ATXN7L1: variants seen among roughly 807,000 people sequenced by gnomAD.
ATXN7L1 encodes the protein ataxin-7-like protein 1.
Under a neutral mutation model 70.8 loss-of-function variants are expected in ATXN7L1, and 15 were observed. The observed-to-expected ratio is 0.21, with a 90% CI of 0.14 to 0.33. The LOEUF (loss-of-function observed/expected upper bound fraction) is 0.33, where lower values mean the gene tolerates loss of function less well. Among genes scored for constraint, ATXN7L1 ranks in the 10% least tolerant of loss-of-function variants. ATXN7L1 has a pLI of 1.00. For missense variants in ATXN7L1, 975 were observed against 1,097.1 expected (o/e 0.89, Z 1.57); for synonymous variants, 440 against 445.1 (o/e 0.99, Z 0.14).
rs1204364 is a variant in ATXN7L1 at position 105,799,420 on chromosome 7, G to A, written c.251-10712C>T. On this transcript the variant is annotated intron_variant, in intron 2 of 11. Coordinates refer to ENST00000419735, the MANE Select transcript of ATXN7L1 (RefSeq NM_020725.2). ...GAGATGAAGAAGAGACACACTGCTC[G>A]GAATCCCTGAGACTAGAGTTCAGGA... is the stretch of plus-strand genomic sequence containing the variant. 2.1e-3 allele frequency among the ~76,000 whole-genome samples: 317 copies of A among 152,148 alleles called. 2 individuals carry two copies. The highest frequency in any genetic ancestry group is 7.3e-3 in the African/African-American group (301 of 41,502).
In ATXN7L1 at chr7:105,643,063, C is replaced by T. The variant is rs1477128817; in HGVS notation, c.637G>A (p.Ala213Thr). Residue 213 changes from alanine (A) to threonine (T), a missense_variant, in exon 5 of 12, where the codon GCC (alanine) becomes ACC (threonine). By Grantham distance (58) the Ala-to-Thr change is moderately conservative. Transcript: ENST00000419735. ...KIPNLVKADG[A>T]NVKMNSTTTT... ...GTTGTGGAGTTCATTTTGACATTGGCACCATCTGCCTTCACTAGGTTAGGA... is the reference window on the plus strand; with the variant it reads ...GTTGTGGAGTTCATTTTGACATTGGTACCATCTGCCTTCACTAGGTTAGGA... 9.7e-6 allele frequency: 15 copies of T among 1,548,650 alleles called. No individual in the cohort carries two copies. Among genetic ancestry groups the T allele is most frequent in the Non-Finnish European group, 1.3e-5 (15 of 1,144,766 alleles).
intron 3 of ATXN7L1, among the ~76,000 whole-genome samples, chr7:105,779,061 A>G (rs545147584): frequency 6.6e-6 from 1 of 152,228 alleles, no homozygotes; most frequent in Non-Finnish European, 1.5e-5. Context: ...TTTCTGCATC[A>G]AAGTTTAGTT....
At position 105,740,784 on chromosome 7, in the gene ATXN7L1, T is replaced by TTTTTTTTTTTTTTTTTTTTTTTGAG. The variant is rs556048408; in HGVS notation, c.355+47819_355+47820insCTCAAAAAAAAAAAAAAAAAAAAAA. On this transcript the variant is annotated intron_variant, in intron 3 of 11. Transcript: ENST00000419735. ...GGCTCCATTCATTTTTTTTTTTTTTTAATGGAGTCTCACTCTGTCGCCCAG... is the reference window on the plus strand; with the variant it reads ...GGCTCCATTCATTTTTTTTTTTTTTTTTTTTTTTTTTTTTTTTTTTTTGAGAATGGAGTCTCACTCTGTCGCCCAG... Among the ~76,000 whole-genome samples, 16 of 77,924 alleles carry TTTTTTTTTTTTTTTTTTTTTTTGAG rather than the reference T, an allele frequency of 2.1e-4. 1 individual carries two copies. The highest frequency in any genetic ancestry group is 1.1e-3 in the South Asian group (2 of 1,834). The allele number at this position is 77,924 out of a possible 152,430, so 51.1% of individuals were successfully genotyped here.
At chr7:105,876,290 T>C in intron 1 of ATXN7L1, 88 bp downstream of exon 1, 1 of 1,441,764 alleles carries the variant, frequency 6.9e-7, no homozygotes, top group Non-Finnish European at 9.3e-7. Flanking sequence ...CCACTCTCTC[T>C]CTCACACACA....
intron 4 of ATXN7L1, among the ~76,000 whole-genome samples, chr7:105,663,147 C>T (rs11771322): frequency 0.028 from 4,274 of 152,310 alleles, 105 homozygotes; most frequent in East Asian, 0.066. Context: ...ACAGATAAGA[C>T]GGATTGCAGG....
chr7:105,630,477 C>T (rs780607032), intron 7 of ATXN7L1, among the ~76,000 whole-genome samples: 15 of 151,992 alleles, frequency 9.9e-5, no homozygotes, highest in East Asian at 3.8e-4. Flanking sequence ...TATTTTTTGG[C>T]GTAGAGGGCT....
At chr7:105,729,514 C>T (rs2116325222) in intron 3 of ATXN7L1, among the ~76,000 whole-genome samples, 3 of 150,664 alleles carry the variant, frequency 2.0e-5, no homozygotes, top group African/African-American at 7.3e-5. Flanking sequence ...GCCACAATCT[C>T]TGCCTCCTGG....
At chr7:105,789,936 G>A (rs1215195979) in intron 2 of ATXN7L1, among the ~76,000 whole-genome samples, 2 of 151,966 alleles carry the variant, frequency 1.3e-5, no homozygotes, top group South Asian at 2.1e-4. Context: ...ATTGACGAGT[G>A]GATAAACAAA....
At chr7:105,801,558 C>G (rs1181512059) in intron 2 of ATXN7L1, among the ~76,000 whole-genome samples, 4 of 152,194 alleles carry the variant, frequency 2.6e-5, no homozygotes, top group Non-Finnish European at 5.9e-5. Flanking sequence ...TATGGAACTT[C>G]TTGCTAGTTA....
chr7:105,783,265 A>G (rs1803798734), intron 3 of ATXN7L1, among the ~76,000 whole-genome samples: 1 of 152,216 alleles, frequency 6.6e-6, no homozygotes, highest in Non-Finnish European at 1.5e-5. Context: ...AATAGGAAAC[A>G]TATATTTGGT....
intron 2 of ATXN7L1, among the ~76,000 whole-genome samples, chr7:105,857,366 T>C (rs937333984): frequency 4.6e-5 from 7 of 152,186 alleles, no homozygotes; most frequent in African/African-American, 1.4e-4. Context: ...CACATTTCAT[T>C]TTCTAAGCAA....
chr7:105,838,443 A>C (rs1475426488), intron 2 of ATXN7L1, among the ~76,000 whole-genome samples: 1 of 152,226 alleles, frequency 6.6e-6, no homozygotes, highest in African/African-American at 2.4e-5. Context: ...ACTCGGAGGC[A>C]CTTGACATTA....
intron 2 of ATXN7L1, among the ~76,000 whole-genome samples, chr7:105,829,393 A>G (rs893115100): frequency 6.6e-6 from 1 of 152,214 alleles, no homozygotes; most frequent in Non-Finnish European, 1.5e-5. Context: ...CAATGAGCCG[A>G]GATCAGGCCA....
At chr7:105,848,298 G>A (rs1234508060) in intron 2 of ATXN7L1, among the ~76,000 whole-genome samples, 7 of 152,226 alleles carry the variant, frequency 4.6e-5, no homozygotes, top group African/African-American at 1.7e-4. Flanking sequence ...GTATTAATTG[G>A]AACAATATTT....
At chr7:105,784,033 C>T (rs1400312208) in intron 3 of ATXN7L1, among the ~76,000 whole-genome samples, 1 of 152,192 alleles carries the variant, frequency 6.6e-6, no homozygotes, top group Non-Finnish European at 1.5e-5. Context: ...ACCATCATAG[C>T]TCACTGCAAC....
At chr7:105,840,027 C>T (rs1199551142) in intron 2 of ATXN7L1, among the ~76,000 whole-genome samples, 1 of 152,076 alleles carries the variant, frequency 6.6e-6, no homozygotes, top group Non-Finnish European at 1.5e-5. Flanking sequence ...GCCAGGTGGA[C>T]CAAGGCAGCA....
At chr7:105,773,532 GT>G (rs1802305023) in intron 3 of ATXN7L1, among the ~76,000 whole-genome samples, 1 of 152,170 alleles carries the variant, frequency 6.6e-6, no homozygotes, top group African/African-American at 2.4e-5. Flanking sequence ...GTAGTTAACT[GT>G]TTGTAGGGGA....
At chr7:105,785,422 T>C (rs964835682) in intron 3 of ATXN7L1, among the ~76,000 whole-genome samples, 2 of 151,976 alleles carry the variant, frequency 1.3e-5, no homozygotes, top group Non-Finnish European at 2.9e-5. Flanking sequence ...GCTGAGATTA[T>C]ACCACTGCAC....
At chr7:105,737,828 T>C (rs574796396) in intron 3 of ATXN7L1, among the ~76,000 whole-genome samples, 6 of 152,274 alleles carry the variant, frequency 3.9e-5, no homozygotes, top group South Asian at 2.1e-4. Flanking sequence ...GTATGAACTT[T>C]TAAGAATTTT....
Sources: gnomAD v4.1 joint callset for allele counts (sites outside exome capture counted in the v4.1 genomes callset) on GRCh38, gnomAD v4.1.1 for gene constraint, MANE v1.5 for transcripts, NCBI Gene and HGNC (gene_info 2026-07-23, HGNC 2026-07-21) for gene names.